The following RASGRF1 variants were observed in gnomAD, a reference collection of about 807,000 sequenced individuals.
The protein encoded by RASGRF1 is ras-specific guanine nucleotide-releasing factor 1.
In RASGRF1, 40 loss-of-function variants were observed where a neutral mutation model predicts 138.7. That is an observed-to-expected ratio of 0.29 (90% CI 0.22 to 0.38). The LOEUF (loss-of-function observed/expected upper bound fraction) is 0.38, where lower values mean the gene tolerates loss of function less well. Among genes scored for constraint, RASGRF1 ranks in the 10% least tolerant of loss-of-function variants. RASGRF1 has a pLI of 1.00. For missense variants in RASGRF1, 1,108 were observed against 1,650.4 expected, an observed-to-expected ratio of 0.67 and a Z score of 5.69; for synonymous variants, 614 against 663.2, an observed-to-expected ratio of 0.93 and a Z score of 1.14.
Position 79,017,924 on chromosome 15 carries a change from TAA to T in RASGRF1, c.1607-20_1607-19del. On this transcript the variant is annotated intron_variant, in intron 11 of 26. Coordinates refer to ENST00000558480, the MANE Select transcript of RASGRF1 (RefSeq NM_001145648.3). ...TCCTTTGGCTTCCAGTTGTAAAACATAAAGTTAGCAGCATGAATGTGGACGCC... is the reference window on the plus strand; with the variant it reads ...TCCTTTGGCTTCCAGTTGTAAAACATAGTTAGCAGCATGAATGTGGACGCC... 2.5e-6 allele frequency: 4 copies of T among 1,612,150 alleles called. No homozygotes were observed. Among genetic ancestry groups the T allele is most frequent in the Non-Finnish European group, 3.4e-6 (4 of 1,179,238 alleles).
intron 12 of RASGRF1, among the ~76,000 whole-genome samples, chr15:79,016,694 C>T (rs954242834): frequency 3.3e-5 from 5 of 152,320 alleles, no homozygotes; most frequent in South Asian, 2.1e-4. Context: ...AGAACAGGCA[C>T]GTGCCATGCA....
intron 22 of RASGRF1, among the ~76,000 whole-genome samples, chr15:78,986,930 C>T (rs984603408): frequency 2.6e-5 from 4 of 151,992 alleles, no homozygotes; most frequent in African/African-American, 9.7e-5. Context: ...AATTTTTTTC[C>T]ATCAAGAGAA....
At chr15:79,038,906 G>A (rs1266013394) in intron 5 of RASGRF1, among the ~76,000 whole-genome samples, 1 of 152,136 alleles carries the variant, frequency 6.6e-6, no homozygotes, top group East Asian at 1.9e-4. Context: ...ATGAATAAGG[G>A]AGATAGACAT....
chr15:79,035,527 C>T (rs538355607), intron 5 of RASGRF1, among the ~76,000 whole-genome samples: 12 of 152,256 alleles, frequency 7.9e-5, no homozygotes, highest in Non-Finnish European at 1.2e-4. Context: ...CTGCTCTGGC[C>T]AGTGGCCTCT....
At chr15:79,021,836 G>A (rs1311609322) in intron 10 of RASGRF1, among the ~76,000 whole-genome samples, 2 of 152,142 alleles carry the variant, frequency 1.3e-5, no homozygotes, top group Admixed American at 6.5e-5. Flanking sequence ...GTATTTGAGC[G>A]AGTTCTTGCC....
rs2141622871 is a variant in RASGRF1 at position 78,980,694 on chromosome 15, T to C, written c.3420A>G (p.Lys1140=). 2.5e-6 allele frequency: 4 copies of C among 1,601,882 alleles called. No homozygotes were observed. The highest frequency in any genetic ancestry group is 2.2e-5 in the South Asian group (2 of 90,256). The change falls in exon 24 of 27, where the codon AAA becomes AAG. Residue 1140 remains lysine (K), a synonymous_variant. Coordinates refer to ENST00000558480, the MANE Select transcript of RASGRF1 (RefSeq NM_001145648.3). The stretch of plus-strand genomic sequence containing the variant: ...GCTTTTGGAGCTTATCAATCAAAGC[T>C]TTAGTCTAGAAGGAAGCAGAAGCAT... ...KTWLKVSKQT[K]ALIDKLQKLV... is the part of the protein sequence containing the mutation.
chr15:79,089,173 A>C (rs1407956896), intron 1 of RASGRF1, among the ~76,000 whole-genome samples: 1 of 152,074 alleles, frequency 6.6e-6, no homozygotes, highest in Non-Finnish European at 1.5e-5. Flanking sequence ...GGGCAAGTGA[A>C]TTTCTCTCTC....
chr15:79,031,495 G>A lies in RASGRF1; in HGVS notation c.1167C>T (p.Ile389=). Residue 389 remains isoleucine (I), a synonymous_variant, in exon 8 of 27, where the codon ATC becomes ATT. Transcript: ENST00000558480. ...TYPMFQIPRY[I]LTLHELLAHT... is the part of the protein sequence containing the mutation. ...GGGCCAGGAGCTCATGGAGGGTCAG[G>A]ATGTACCTGGGGATCTGCGGGCAGG... is the stretch of plus-strand genomic sequence containing the variant. 6.2e-7 allele frequency: 1 copy of A among 1,613,030 alleles called. No individual in the cohort carries two copies. Among genetic ancestry groups the A allele is most frequent in the Non-Finnish European group, 8.5e-7 (1 of 1,179,380 alleles).
Position 78,998,778 on chromosome 15 carries a change from T to G in RASGRF1, c.2794A>C (p.Arg932=). ...TTCAAGACACGATTGGTGGCTGCTCTGCGGATCACAAACTCCTTGTCTCCA... is the reference window on the plus strand; with the variant it reads ...TTCAAGACACGATTGGTGGCTGCTCGGCGGATCACAAACTCCTTGTCTCCA... ...RNGDKEFVIR[R]AATNRVLNVL... is the part of the protein sequence containing the mutation. Residue 932 remains arginine (R), a synonymous_variant, in exon 18 of 27, where the codon AGA becomes CGA. Coordinates refer to ENST00000558480, the MANE Select transcript of RASGRF1 (RefSeq NM_001145648.3). The G allele has an allele frequency of 1.2e-6, 2 of 1,614,176 alleles. No homozygotes were observed. Among genetic ancestry groups the G allele is most frequent in the Non-Finnish European group, 1.7e-6 (2 of 1,180,006 alleles).
intron 19 of RASGRF1, among the ~76,000 whole-genome samples, chr15:78,997,761 A>C (rs2056426596): frequency 6.7e-6 from 1 of 149,728 alleles, no homozygotes; most frequent in Non-Finnish European, 1.5e-5. Context: ...AAAAGATTTA[A>C]ATAGCCTTAT....
chr15:79,088,253 C>T (rs796857356), intron 1 of RASGRF1, among the ~76,000 whole-genome samples: 5 of 152,092 alleles, frequency 3.3e-5, no homozygotes, highest in South Asian at 2.1e-4. Flanking sequence ...AGGTTCTGTT[C>T]GACTTTAACA....
chr15:79,004,095 C>A lies in RASGRF1; in HGVS notation c.2156G>T (p.Arg719Leu). 3 of 1,613,816 alleles carry A rather than the reference C, an allele frequency of 1.9e-6. No homozygotes were observed. Among genetic ancestry groups the A allele is most frequent in the Non-Finnish European group, 2.5e-6 (3 of 1,179,952 alleles). The change falls in exon 15 of 27, where the codon CGC (arginine) becomes CTC (leucine). Residue 719 changes from arginine to leucine, a missense_variant. Transcript: ENST00000558480. ...CAGAGGTGGCGGCGAGGAGAACTTG[C>A]GGGTGGCGCGCGGGGACTTGGGGGG... The part of the protein sequence containing the change: ...GEPPKSPRAT[R>L]KFSSPPPLSI...
intron 1 of RASGRF1, among the ~76,000 whole-genome samples, chr15:79,087,387 G>A (rs2141114421): frequency 6.6e-6 from 1 of 152,342 alleles, no homozygotes; most frequent in South Asian, 2.1e-4. Context: ...CCACTTAGGG[G>A]TTCCCAGCCA....
intron 13 of RASGRF1, among the ~76,000 whole-genome samples, chr15:79,007,881 G>GT (rs969639108): frequency 2.8e-5 from 4 of 141,430 alleles, no homozygotes; most frequent in African/African-American, 7.9e-5. Context: ...TTTTTTTTCT[G>GT]TTTTTTGAGA....
chr15:79,022,941 G>C (rs1023101688), intron 10 of RASGRF1, among the ~76,000 whole-genome samples: 7 of 152,154 alleles, frequency 4.6e-5, no homozygotes, highest in Non-Finnish European at 8.8e-5. Context: ...TTGGGAGGCC[G>C]AGGCAGGCGG....
chr15:78,971,960 A>G (rs935369797), intron 25 of RASGRF1, 26 bp from the exon 26 acceptor site: 1 of 1,546,292 alleles, frequency 6.5e-7, no homozygotes, highest in African/African-American at 1.4e-5. Flanking sequence ...AGTGTTTCAG[A>G]ATGCAGTTTG....
chr15:78,975,413 G>A (rs1280628177), intron 24 of RASGRF1, among the ~76,000 whole-genome samples: 1 of 148,364 alleles, frequency 6.7e-6, no homozygotes, highest in Non-Finnish European at 1.5e-5. Flanking sequence ...AAAGAAAAGA[G>A]TAAGGAGCAT....
At chr15:79,035,079 G>T in intron 6 of RASGRF1, 52 bp downstream of exon 6, 1 of 1,477,388 alleles carries the variant, frequency 6.8e-7, no homozygotes, top group Non-Finnish European at 9.3e-7. Context: ...CTTTTGGGGT[G>T]GCCCCTGGAG....
intron 5 of RASGRF1, among the ~76,000 whole-genome samples, chr15:79,040,604 C>G (rs1423608752): frequency 6.6e-6 from 1 of 152,106 alleles, no homozygotes; most frequent in East Asian, 1.9e-4. Context: ...TCTCACCACC[C>G]CCTTTGTTCA....
Sources: allele counts gnomAD v4.1 joint callset (sites outside exome capture counted in the v4.1 genomes callset), GRCh38; gene constraint gnomAD v4.1.1; transcripts MANE v1.5; gene names NCBI Gene and HGNC (gene_info 2026-07-23, HGNC 2026-07-21).